The following CAMK2D variants were observed in gnomAD, a reference collection of about 807,000 sequenced individuals.
CAMK2D encodes the protein calcium/calmodulin dependent protein kinase II delta.
In CAMK2D, 37 loss-of-function variants were observed where a neutral mutation model predicts 84.0. The ratio of observed to expected loss-of-function variants is 0.44; its 90% CI spans 0.34 to 0.58. CAMK2D has a LOEUF of 0.58. Ranked by LOEUF, CAMK2D falls within the 20% of genes least tolerant of loss-of-function variation. CAMK2D has a pLI of 0.02. For missense variants in CAMK2D, 448 were observed against 652.5 expected, an observed-to-expected ratio of 0.69 and a Z score of 3.41; for synonymous variants, 202 against 212.5, an observed-to-expected ratio of 0.95 and a Z score of 0.43.
intron 4 of CAMK2D, among the ~76,000 whole-genome samples, chr4:113,605,333 C>T (rs959383990): frequency 3.9e-5 from 6 of 152,208 alleles, no homozygotes; most frequent in Non-Finnish European, 8.8e-5. Flanking sequence ...CTTTGAGTTT[C>T]ACTTCTTTTC....
At chr4:113,661,326 T>C (rs764654580) in intron 3 of CAMK2D, among the ~76,000 whole-genome samples, 2 of 152,206 alleles carry the variant, frequency 1.3e-5, no homozygotes, top group African/African-American at 4.8e-5. Context: ...CTCATTAACA[T>C]AGCAGACTCC....
chr4:113,540,955 C>T (rs2154190553), intron 6 of CAMK2D, among the ~76,000 whole-genome samples: 1 of 152,290 alleles, frequency 6.6e-6, no homozygotes, highest in South Asian at 2.1e-4. Context: ...CCACTGCTTC[C>T]TAATGATGCA....
intron 4 of CAMK2D, among the ~76,000 whole-genome samples, chr4:113,583,170 G>T (rs1241804176): frequency 6.6e-6 from 1 of 152,114 alleles, no homozygotes; most frequent in African/African-American, 2.4e-5. Flanking sequence ...ATGTACCACT[G>T]GTTTTAAACA....
chr4:113,635,778 T>C (rs1056647330), intron 3 of CAMK2D, among the ~76,000 whole-genome samples: 2 of 152,232 alleles, frequency 1.3e-5, no homozygotes, highest in African/African-American at 2.4e-5. Flanking sequence ...TCTGCATTTA[T>C]GGTATATTGA....
chr4:113,668,249 G>T (rs2099265475), intron 2 of CAMK2D, among the ~76,000 whole-genome samples: 1 of 152,076 alleles, frequency 6.6e-6, no homozygotes, highest in Non-Finnish European at 1.5e-5. Flanking sequence ...CATAACGAAG[G>T]TCCCTAATTT....
At chr4:113,585,386 C>G (rs17447200) in intron 4 of CAMK2D, among the ~76,000 whole-genome samples, 1 of 151,936 alleles carries the variant, frequency 6.6e-6, no homozygotes, top group Non-Finnish European at 1.5e-5. Flanking sequence ...TGTGTGTGCA[C>G]GGACACAAAC....
rs2097260056 is a variant in CAMK2D at position 113,451,932 on chromosome 4, A to C, written c.*2613T>G. The C allele has an allele frequency of 6.6e-6, 1 of 152,196 alleles. No homozygotes were observed. Among genetic ancestry groups the C allele is most frequent in the Non-Finnish European group, 1.5e-5 (1 of 68,060 alleles). 9.4% of individuals were successfully genotyped at this position (152,196 alleles called of 1,614,324 possible). ...AAGTCGGGAAAAGAAGTAGGGGAAG[A>C]GACTATTTATTCTAGGTAAGAAACA... On this transcript the variant is annotated 3_prime_UTR_variant, in exon 21 of 21. Coordinates refer to ENST00000511664, the MANE Select transcript of CAMK2D (RefSeq NM_001321571.2).
At chr4:113,461,668 T>A (rs76807802) in intron 17 of CAMK2D, among the ~76,000 whole-genome samples, 9,281 of 152,080 alleles carry the variant, frequency 0.061, 566 homozygotes, top group East Asian at 0.21. Flanking sequence ...TGAATGGGAG[T>A]TCACAAGGTA....
At chr4:113,650,517 C>CATAAA (rs2099168621) in intron 3 of CAMK2D, among the ~76,000 whole-genome samples, 1 of 86,930 alleles carries the variant, frequency 1.2e-5, no homozygotes, top group African/African-American at 3.2e-5. Flanking sequence ...AACTCCATCT[C>CATAAA]AAAAAAAAAA....
chr4:113,499,965 A>T (rs911008266), intron 16 of CAMK2D, among the ~76,000 whole-genome samples: 5 of 152,184 alleles, frequency 3.3e-5, no homozygotes, highest in Non-Finnish European at 5.9e-5. Context: ...GAGGTCAAGA[A>T]TACCTTTGGA....
At chr4:113,556,227 T>C (rs1284812235) in intron 4 of CAMK2D, among the ~76,000 whole-genome samples, 1 of 152,058 alleles carries the variant, frequency 6.6e-6, no homozygotes, top group African/African-American at 2.4e-5. Context: ...ATGAAAGTAA[T>C]GGAGATTAAG....
chr4:113,457,110 T>C, intron 19 of CAMK2D: 1 of 1,173,558 alleles, frequency 8.5e-7, no homozygotes, highest in Non-Finnish European at 1.1e-6. Flanking sequence ...TCGTCCTGTC[T>C]AAACCTATCA....
At chr4:113,742,864 G>C (rs1322040808) in intron 2 of CAMK2D, among the ~76,000 whole-genome samples, 2 of 152,074 alleles carry the variant, frequency 1.3e-5, no homozygotes, top group Non-Finnish European at 2.9e-5. Flanking sequence ...ACCTATTTCT[G>C]ATCTATGATA....
chr4:113,761,473 G>T lies in CAMK2D; in HGVS notation c.-405C>A, dbSNP rs1055732552. ...GAAACGATCCGCACTGGAGCAGGAGGAGTAGAAGCAGAGGGGAGGGAGTCC... is the reference window on the plus strand; with the variant it reads ...GAAACGATCCGCACTGGAGCAGGAGTAGTAGAAGCAGAGGGGAGGGAGTCC... On this transcript the variant is annotated 5_prime_UTR_variant, in exon 1 of 21. Transcript: ENST00000511664. 14 of 1,110,370 alleles carry T rather than the reference G, an allele frequency of 1.3e-5. No homozygotes were observed. In the South Asian group the frequency reaches 2.5e-4, roughly 20 times the overall value. The allele number at this position is 1,110,370 out of a possible 1,614,324, so 68.8% of individuals were successfully genotyped here. A position where few individuals can be genotyped will look rare whatever the true frequency, so the allele number is the denominator to read the frequency against.
At chr4:113,497,645 C>G (rs1336854329) in intron 16 of CAMK2D, among the ~76,000 whole-genome samples, 1 of 152,190 alleles carries the variant, frequency 6.6e-6, no homozygotes, top group Non-Finnish European at 1.5e-5. Context: ...TAATCCCCTC[C>G]TCCAGCAACT....
intron 4 of CAMK2D, among the ~76,000 whole-genome samples, chr4:113,567,357 G>T (rs1447175542): frequency 6.6e-6 from 1 of 151,680 alleles, no homozygotes; most frequent in Non-Finnish European, 1.5e-5. Flanking sequence ...CAGTAGAGAC[G>T]GGGTTTCACC....
intron 2 of CAMK2D, among the ~76,000 whole-genome samples, chr4:113,709,342 TA>T (rs1209124595): frequency 6.6e-6 from 1 of 152,012 alleles, no homozygotes; most frequent in Non-Finnish European, 1.5e-5. Context: ...TGTTTTAACT[TA>T]AATATATTAA....
intron 16 of CAMK2D, among the ~76,000 whole-genome samples, chr4:113,472,557 T>C (rs1332862470): frequency 6.6e-6 from 1 of 152,242 alleles, no homozygotes; most frequent in African/African-American, 2.4e-5. Context: ...GCTTGAGCTT[T>C]TCAGTTGTTT....
chr4:113,592,321 T>C (rs2098892998), intron 4 of CAMK2D, among the ~76,000 whole-genome samples: 1 of 152,226 alleles, frequency 6.6e-6, no homozygotes, highest in Admixed American at 6.5e-5. Flanking sequence ...GCCTAACATG[T>C]TTTAAATTGT....
Sources: allele counts gnomAD v4.1 joint callset (sites outside exome capture counted in the v4.1 genomes callset), GRCh38; gene constraint gnomAD v4.1.1; transcripts MANE v1.5; gene names NCBI Gene and HGNC (gene_info 2026-07-23, HGNC 2026-07-21).